TAF4: variants seen among roughly 807,000 people sequenced by gnomAD.
TAF4 encodes transcription initiation factor TFIID subunit 4.
In TAF4, 9 loss-of-function variants were observed where a neutral mutation model predicts 90.3. The observed-to-expected ratio is 0.10, with a 90% CI of 0.06 to 0.17. The LOEUF (loss-of-function observed/expected upper bound fraction) is 0.17. Among genes scored for constraint, TAF4 ranks in the 10% least tolerant of loss-of-function variants. The pLI is 1.00. For missense variants in TAF4, 1,351 were observed against 1,370.7 expected (o/e 0.99, Z 0.23); for synonymous variants, 818 against 638.9 (o/e 1.28, Z -4.23).
intron 1 of TAF4, among the ~76,000 whole-genome samples, chr20:62,041,437 G>A (rs934745244): frequency 1.3e-5 from 2 of 151,986 alleles, no homozygotes; most frequent in African/African-American, 2.4e-5. Context: ...AGACCATCCT[G>A]GCTAACAGGG....
At chr20:62,031,138 T>G (rs1187023292) in intron 1 of TAF4, among the ~76,000 whole-genome samples, 3 of 152,190 alleles carry the variant, frequency 2.0e-5, no homozygotes, top group Non-Finnish European at 2.9e-5. Context: ...CCATTCCTGG[T>G]TTCTAATTTT....
rs549474280 is a variant in TAF4 at position 62,003,720 on chromosome 20, G to A, written c.2371+11C>T. 9 of 1,578,192 alleles carry A rather than the reference G, an allele frequency of 5.7e-6. No homozygotes were observed. Among genetic ancestry groups the A allele is most frequent in the Admixed American group, 3.6e-5 (2 of 55,692 alleles). ...TGGTGTTGAGCGGCCAGGGGCCCGC[G>A]AGGCCCTCACCTGGCTGCAGTGGGT... On this transcript the variant is annotated intron_variant, in intron 8 of 14. Coordinates refer to ENST00000252996, the MANE Select transcript of TAF4 (RefSeq NM_003185.4).
At chr20:62,049,662 A>G (rs531399705) in intron 1 of TAF4, among the ~76,000 whole-genome samples, 1 of 41,500 alleles carries the variant, frequency 2.4e-5, no homozygotes, top group East Asian at 3.0e-4. Flanking sequence ...CCCCTCATCC[A>G]CCGTGCACCC....
At chr20:62,036,710 T>C (rs1196098518) in intron 1 of TAF4, among the ~76,000 whole-genome samples, 1 of 152,094 alleles carries the variant, frequency 6.6e-6, no homozygotes, top group Non-Finnish European at 1.5e-5. Flanking sequence ...AGCATCCCAA[T>C]ACAGGAAGAA....
In TAF4 at chr20:62,025,664, T is replaced by C. The variant is rs1388722917; in HGVS notation, c.1361-10957A>G. On this transcript the variant is annotated intron_variant, in intron 1 of 14. Transcript: ENST00000252996. ...CTTCCCCTTCGCCTTCTGCCATGAT[T>C]GTCCCCAGTCATGTGGAACTGTGAG... is the stretch of plus-strand genomic sequence containing the variant. 2.6e-5 allele frequency among the ~76,000 whole-genome samples: 4 copies of C among 152,368 alleles called. No homozygotes were observed. The East Asian group carries it at 5.8e-4, about 22-fold the overall frequency.
intron 2 of TAF4, among the ~76,000 whole-genome samples, 193 bp from the exon 3 acceptor site, chr20:62,013,127 C>T (rs143739360): frequency 6.6e-6 from 1 of 152,194 alleles, no homozygotes; most frequent in Non-Finnish European, 1.5e-5. Context: ...AAACATTTTC[C>T]TATACTACAA....
At chr20:62,020,923 G>C (rs1257248478) in intron 1 of TAF4, among the ~76,000 whole-genome samples, 1 of 152,314 alleles carries the variant, frequency 6.6e-6, no homozygotes, top group Middle Eastern at 3.4e-3. Flanking sequence ...GACAGCAGTT[G>C]CTGGAGCCAG....
At chr20:62,059,348 T>A (rs2056077337) in intron 1 of TAF4, among the ~76,000 whole-genome samples, 1 of 152,270 alleles carries the variant, frequency 6.6e-6, no homozygotes, top group Non-Finnish European at 1.5e-5. Flanking sequence ...AATGTTCATT[T>A]GAGATATGTA....
Position 62,007,520 on chromosome 20 carries a change from C to T in TAF4, c.1974+27G>A, listed in dbSNP as rs780801226. The T allele has an allele frequency of 1.9e-6, 3 of 1,608,484 alleles. No homozygotes were observed. The South Asian group carries it at 3.3e-5, about 18-fold the overall frequency. On this transcript the variant is annotated intron_variant, in intron 6 of 14. Coordinates refer to ENST00000252996, the MANE Select transcript of TAF4 (RefSeq NM_003185.4). The stretch of plus-strand genomic sequence containing the variant: ...CCCACCCCTCCCTGGCCCTACTGCT[C>T]GCAGGCACCGGGGCCTTTGAAATTA...
At chr20:61,992,125 T>A (rs959560857) in intron 14 of TAF4, among the ~76,000 whole-genome samples, 4 of 151,760 alleles carry the variant, frequency 2.6e-5, no homozygotes, top group Non-Finnish European at 5.9e-5. Context: ...TTTGGAAAAA[T>A]CAAAATGACT....
intron 1 of TAF4, among the ~76,000 whole-genome samples, chr20:62,055,907 C>A (rs2145519248): frequency 6.6e-6 from 1 of 152,344 alleles, no homozygotes; most frequent in South Asian, 2.1e-4. Context: ...GTACCCTCAT[C>A]AGCCTTCCCC....
intron 14 of TAF4, among the ~76,000 whole-genome samples, chr20:61,995,183 CAAG>C (rs2055655719): frequency 6.6e-6 from 1 of 152,112 alleles, no homozygotes; most frequent in Non-Finnish European, 1.5e-5. Context: ...TGCAAGGAGA[CAAG>C]AAAGTGTGCA....
chr20:62,029,004 G>A (rs935747642), intron 1 of TAF4, among the ~76,000 whole-genome samples: 3 of 152,094 alleles, frequency 2.0e-5, no homozygotes, highest in Non-Finnish European at 4.4e-5. Flanking sequence ...AGACCATCCT[G>A]GCTAACATAG....
In TAF4 at chr20:62,065,705, TG is replaced by T; in HGVS notation, c.105del (p.Ser36AlafsTer28). 1 of 1,267,566 alleles carries T rather than the reference TG, an allele frequency of 7.9e-7. No homozygotes were observed. 78.5% of individuals were successfully genotyped at this position (1,267,566 alleles called of 1,614,324 possible). The part of the protein sequence containing the change: ...LVGSLESQLA[A>X]SAAHHHHLAP... ...GCGAGGTGGTGGTGGTGGGCCGCGCTGGCCGCCAGCTGCGACTCCAGCGAGC... is the reference window on the plus strand; with the variant it reads ...GCGAGGTGGTGGTGGTGGGCCGCGCTGCCGCCAGCTGCGACTCCAGCGAGC... On this transcript the variant is annotated frameshift_variant, in exon 1 of 15. Coordinates refer to ENST00000252996, the MANE Select transcript of TAF4 (RefSeq NM_003185.4). LOFTEE classifies it high-confidence loss of function.
chr20:62,023,862 C>T (rs1194315954), intron 1 of TAF4, among the ~76,000 whole-genome samples: 1 of 151,344 alleles, frequency 6.6e-6, no homozygotes, highest in Non-Finnish European at 1.5e-5. Flanking sequence ...GCAGGCGGAT[C>T]GCCTGAGGTC....
chr20:62,006,714 G>A lies in TAF4; in HGVS notation c.2019C>T (p.Ala673=). Residue 673 remains alanine (A), a synonymous_variant, in exon 7 of 15, where the codon GCC becomes GCT. Transcript: ENST00000252996. This position sits in a 1 kb window ranked among gnomAD's most constrained non-coding sequence, Gnocchi z 7.0. ...ALRQLTPDSA[A]FIQQSQQQPP... ...GCTGCTGCTGGCTCTGCTGGATGAA[G>A]GCCGCGGAGTCGGGGGTCAGCTGTC... The A allele has an allele frequency of 2.5e-6, 4 of 1,574,998 alleles. No individual in the cohort carries two copies. Among genetic ancestry groups the A allele is most frequent in the East Asian group, 2.3e-5 (1 of 43,026 alleles).
At chr20:62,015,535 G>A (rs757629224) in intron 1 of TAF4, among the ~76,000 whole-genome samples, 1 of 152,176 alleles carries the variant, frequency 6.6e-6, no homozygotes, top group African/African-American at 2.4e-5. Context: ...TGAAGCCTCG[G>A]CAGACAGCCC....
intron 1 of TAF4, among the ~76,000 whole-genome samples, chr20:62,020,806 A>G (rs2055838461): frequency 6.6e-6 from 1 of 152,272 alleles, no homozygotes; most frequent in African/African-American, 2.4e-5. Flanking sequence ...CCCTGAATAC[A>G]GTATAGAAAA....
intron 1 of TAF4, among the ~76,000 whole-genome samples, chr20:62,053,688 T>C (rs1292713916): frequency 6.6e-6 from 1 of 152,106 alleles, no homozygotes; most frequent in Non-Finnish European, 1.5e-5. Context: ...ACCAAACTCA[T>C]CCCCCTGGCC....
Sources: allele counts gnomAD v4.1 joint callset (sites outside exome capture counted in the v4.1 genomes callset), GRCh38; gene constraint gnomAD v4.1.1; non-coding constraint Gnocchi (gnomAD v3.1); transcripts MANE v1.5; gene names NCBI Gene and HGNC (gene_info 2026-07-23, HGNC 2026-07-21).